The following CACNG3 variants were observed in gnomAD, a reference collection of about 807,000 sequenced individuals.
CACNG3 encodes the protein voltage-dependent calcium channel gamma-3 subunit.
In CACNG3, 3 loss-of-function variants were observed where a neutral mutation model predicts 28.5. The ratio of observed to expected loss-of-function variants is 0.11; its 90% confidence interval spans 0.05 to 0.27. The LOEUF (loss-of-function observed/expected upper bound fraction) is 0.27, where lower values mean the gene tolerates loss of function less well. Ranked by LOEUF, CACNG3 falls within the 10% of genes least tolerant of loss-of-function variation. The pLI is 1.00. For missense variants in CACNG3, 236 were observed against 414.4 expected, an observed-to-expected ratio of 0.57 and a Z score of 3.74; for synonymous variants, 174 against 162.2, an observed-to-expected ratio of 1.07 and a Z score of -0.55.
Position 24,317,554 on chromosome 16 carries a change from AAAAGAAAGAAAGAAAGAAAG to A in CACNG3, c.212-29126_212-29107del, listed in dbSNP as rs1202219518. On this transcript the variant is annotated intron_variant, in intron 1 of 3. Transcript: ENST00000005284. ...GATTCTGTCTCAAAAAAAAAAAAGA[AAAAGAAAGAAAGAAAGAAAG>A]AAAGAAAGAAAGAAAGAAAGAAAGA... Among the ~76,000 whole-genome samples, 178 of 85,312 alleles carry A rather than the reference AAAAGAAAGAAAGAAAGAAAG, an allele frequency of 2.1e-3. 2 individuals are homozygous for A. Among genetic ancestry groups the A allele is most frequent in the African/African-American group, 4.8e-3 (106 of 21,866 alleles). 56.0% of individuals were successfully genotyped at this position (85,312 alleles called of 152,430 possible).
chr16:24,344,704 T>A (rs1899838122), intron 1 of CACNG3, among the ~76,000 whole-genome samples: 1 of 152,198 alleles, frequency 6.6e-6, no homozygotes, highest in South Asian at 2.1e-4. Context: ...AAGCGGAGAA[T>A]CAGAACCAAG....
chr16:24,290,559 A>C (rs1191311334), intron 1 of CACNG3, among the ~76,000 whole-genome samples: 5 of 152,208 alleles, frequency 3.3e-5, no homozygotes, highest in Non-Finnish European at 7.3e-5. Flanking sequence ...TCAGAGTTTG[A>C]GTGTCTTCAC....
intron 1 of CACNG3, among the ~76,000 whole-genome samples, chr16:24,283,464 C>T (rs1023988406): frequency 1.3e-5 from 2 of 152,086 alleles, no homozygotes; most frequent in African/African-American, 4.8e-5. Context: ...TTTGTTTACT[C>T]ACATTAATGG....
chr16:24,282,510 C>T (rs1266360897), intron 1 of CACNG3, among the ~76,000 whole-genome samples: 5 of 151,690 alleles, frequency 3.3e-5, no homozygotes, highest in Admixed American at 6.6e-5. Context: ...CTGTTGACCT[C>T]GTGATCCGCC....
At chr16:24,324,701 A>C (rs1039738443) in intron 1 of CACNG3, among the ~76,000 whole-genome samples, 2 of 152,086 alleles carry the variant, frequency 1.3e-5, no homozygotes, top group African/African-American at 2.4e-5. Flanking sequence ...TCAGTGGCCC[A>C]TGTGCTCTCC....
intron 1 of CACNG3, among the ~76,000 whole-genome samples, chr16:24,284,117 A>G (rs935188900): frequency 2.6e-5 from 4 of 151,978 alleles, no homozygotes; most frequent in Non-Finnish European, 5.9e-5. Context: ...CTTTTGGGGC[A>G]ATTTTGTTTT....
At chr16:24,314,241 C>A (rs919828626) in intron 1 of CACNG3, among the ~76,000 whole-genome samples, 1 of 152,092 alleles carries the variant, frequency 6.6e-6, no homozygotes, top group Non-Finnish European at 1.5e-5. Context: ...AATGGGGAGC[C>A]TTTGGTTCAA....
At chr16:24,268,130 ATAGT>A (rs1224630699) in intron 1 of CACNG3, among the ~76,000 whole-genome samples, 1 of 152,226 alleles carries the variant, frequency 6.6e-6, no homozygotes, top group Non-Finnish European at 1.5e-5. Context: ...TAAAATGCAC[ATAGT>A]TAGTAAATGC....
intron 1 of CACNG3, among the ~76,000 whole-genome samples, chr16:24,312,633 T>C (rs1429084251): frequency 6.6e-6 from 1 of 151,952 alleles, no homozygotes; most frequent in African/African-American, 2.4e-5. Context: ...CTGGTAAACA[T>C]ACCAAGACTC....
Position 24,262,711 on chromosome 16 carries a change from G to T in CACNG3, c.211+5746G>T, listed in dbSNP as rs192040021. ...CTCATTCCCAGTCGTATCATCATCG[G>T]TGGAAAGAAACTTACTCCTCTTCTT... On this transcript the variant is annotated intron_variant, in intron 1 of 3. Coordinates refer to ENST00000005284, the MANE Select transcript of CACNG3 (RefSeq NM_006539.4). Among the ~76,000 whole-genome samples, 5 of 152,300 alleles carry T rather than the reference G, an allele frequency of 3.3e-5. No individual in the cohort carries two copies. The East Asian group carries it at 9.7e-4, about 29-fold the overall frequency.
chr16:24,282,196 A>T (rs937720526), intron 1 of CACNG3, among the ~76,000 whole-genome samples: 1 of 152,184 alleles, frequency 6.6e-6, no homozygotes, highest in Non-Finnish European at 1.5e-5. Context: ...ATGGAGGTTC[A>T]GGTTGAGTGC....
chr16:24,266,782 C>T (rs1898614693), intron 1 of CACNG3, among the ~76,000 whole-genome samples: 1 of 152,072 alleles, frequency 6.6e-6, no homozygotes, highest in South Asian at 2.1e-4. Context: ...TGGCCTGCCT[C>T]CTGGATTTGC....
intron 1 of CACNG3, among the ~76,000 whole-genome samples, chr16:24,311,542 G>C (rs1296092421): frequency 1.3e-5 from 2 of 150,190 alleles, no homozygotes; most frequent in Admixed American, 1.3e-4. Flanking sequence ...CATTCTAAAA[G>C]CTTTTACAGT....
chr16:24,328,677 T>G (rs1044457247), intron 1 of CACNG3, among the ~76,000 whole-genome samples: 2 of 151,964 alleles, frequency 1.3e-5, no homozygotes, highest in African/African-American at 4.8e-5. Flanking sequence ...GATGTTCAAG[T>G]GAGGTGAGGA....
At chr16:24,359,785 C>T (rs1425502836) in intron 3 of CACNG3, among the ~76,000 whole-genome samples, 1 of 152,114 alleles carries the variant, frequency 6.6e-6, no homozygotes, top group Non-Finnish European at 1.5e-5. Flanking sequence ...ATGCCTTTAG[C>T]CCAGGAGGTT....
At chr16:24,314,876 G>A (rs758735548) in intron 1 of CACNG3, among the ~76,000 whole-genome samples, 15 of 151,990 alleles carry the variant, frequency 9.9e-5, no homozygotes, top group Non-Finnish European at 1.2e-4. Flanking sequence ...TGCAGGTTCC[G>A]AGGGTTATGA....
At chr16:24,320,557 A>C (rs1899442653) in intron 1 of CACNG3, among the ~76,000 whole-genome samples, 1 of 152,128 alleles carries the variant, frequency 6.6e-6, no homozygotes, top group Admixed American at 6.6e-5. Flanking sequence ...TAATATACCA[A>C]TACTATATTA....
chr16:24,257,407 GA>G (rs1898478443), intron 1 of CACNG3, among the ~76,000 whole-genome samples: 5 of 144,614 alleles, frequency 3.5e-5, no homozygotes, highest in African/African-American at 1.0e-4. Context: ...GAGAGAGAGA[GA>G]GAGAGAGAGA....
Position 24,307,978 on chromosome 16 carries a change from T to C in CACNG3, c.212-38756T>C, listed in dbSNP as rs115117881. Among the ~76,000 whole-genome samples, 1,370 of 152,214 alleles carry C rather than the reference T, an allele frequency of 9.0e-3. 29 individuals carry two copies. Among genetic ancestry groups the C allele is most frequent in the African/African-American group, 0.031 (1,267 of 41,504 alleles). On this transcript the variant is annotated intron_variant, in intron 1 of 3. Transcript: ENST00000005284. ...GGGCTTGCAATAGAAGCATCTCTCT[T>C]TTTTGGTCCAATGGTGCAAGATCTG...
Sources: allele counts gnomAD v4.1 joint callset (sites outside exome capture counted in the v4.1 genomes callset), GRCh38; gene constraint gnomAD v4.1.1; transcripts MANE v1.5; gene names NCBI Gene and HGNC (gene_info 2026-07-23, HGNC 2026-07-21).